SLC26A8: variants seen among roughly 807,000 people sequenced by gnomAD.
The protein encoded by SLC26A8 is testis anion transporter 1.
In SLC26A8, 70 loss-of-function variants were observed where a neutral mutation model predicts 105.0. That is an observed-to-expected ratio of 0.67 (90% CI 0.55 to 0.81). The LOEUF is 0.81. Among genes scored for constraint, SLC26A8 ranks in the 40% least tolerant of loss-of-function variants. The pLI is 0.00. For missense variants in SLC26A8, 998 were observed against 1,181.8 expected (o/e 0.84, Z 2.28); for synonymous variants, 415 against 438.3 (o/e 0.95, Z 0.66).
At chr6:35,945,575 A>G (rs951800076) in intron 19 of SLC26A8, among the ~76,000 whole-genome samples, 1 of 151,966 alleles carries the variant, frequency 6.6e-6, no homozygotes, top group Non-Finnish European at 1.5e-5. Flanking sequence ...CCCTTTGCCT[A>G]CCTTGTCCTC....
chr6:36,004,903 C>T (rs851045), intron 3 of SLC26A8, among the ~76,000 whole-genome samples: 64,591 of 149,428 alleles, frequency 0.43, 14,041 homozygotes, highest in South Asian at 0.56. Context: ...TGAGCTCAAG[C>T]GATCTGCCTG....
At chr6:35,955,093 T>G (rs754861188) in intron 17 of SLC26A8, 59 bp downstream of exon 17, 25 of 1,603,488 alleles carry the variant, frequency 1.6e-5, no homozygotes, top group Non-Finnish European at 2.0e-5. Context: ...AGGATCAGGG[T>G]GGGGTTGGGA....
intron 7 of SLC26A8, among the ~76,000 whole-genome samples, chr6:35,989,237 GT>G (rs1194922254): frequency 6.6e-6 from 1 of 152,146 alleles, no homozygotes; most frequent in Non-Finnish European, 1.5e-5. Context: ...TGATAAATTA[GT>G]TTTCTACCAC....
chr6:35,975,086 G>A (rs1037336340), intron 10 of SLC26A8, among the ~76,000 whole-genome samples: 1 of 151,892 alleles, frequency 6.6e-6, no homozygotes. Context: ...TTATCCTTTA[G>A]GTATGTTACA....
At position 35,951,470 on chromosome 6, in the gene SLC26A8, A is replaced by C; in HGVS notation, c.2262T>G (p.Ile754Met). The change falls in exon 18 of 20, where the codon ATT becomes ATG. Residue 754 changes from isoleucine (I) to methionine (M), a missense_variant. Ile to Met is a conservative substitution (Grantham distance 10). Transcript: ENST00000490799. ...QICNAFQNAN[I>M]LILIAGCHSS... ...AGTGACACCCTGCAATGAGTATCAA[A>C]ATGTTGGCGTTTTGAAAGGCATTGC... 6.2e-7 allele frequency: 1 copy of C among 1,614,170 alleles called. No individual in the cohort carries two copies. Among genetic ancestry groups the C allele is most frequent in the South Asian group, 1.1e-5 (1 of 91,080 alleles).
intron 3 of SLC26A8, among the ~76,000 whole-genome samples, chr6:36,003,667 C>CT (rs5875527): frequency 0.43 from 61,903 of 144,054 alleles, 13,382 homozygotes; most frequent in South Asian, 0.56. Context: ...TTCTTTTTTT[C>CT]TTTTTTTTTT....
Position 35,982,213 on chromosome 6 carries a change from G to A in SLC26A8, c.943-10C>T. ...CAGTGAAGCCAATAATCTGTAGGGG[G>A]TAAAAAAAGAAGGGATGGGGGCATA... On this transcript the variant is annotated splice_polypyrimidine_tract_variant and intron_variant, in intron 7 of 19. Transcript: ENST00000490799. 3 of 1,612,822 alleles carry A rather than the reference G, an allele frequency of 1.9e-6. No homozygotes were observed. Among genetic ancestry groups the A allele is most frequent in the Non-Finnish European group, 2.5e-6 (3 of 1,179,418 alleles).
intron 3 of SLC26A8, among the ~76,000 whole-genome samples, chr6:36,005,703 T>C (rs983643028): frequency 6.6e-6 from 1 of 152,216 alleles, no homozygotes; most frequent in African/African-American, 2.4e-5. Flanking sequence ...GGTTTTCTAT[T>C]GTAAAGTGGT....
chr6:36,010,172 C>T (rs1761812641), intron 3 of SLC26A8, among the ~76,000 whole-genome samples: 1 of 152,004 alleles, frequency 6.6e-6, no homozygotes, highest in Non-Finnish European at 1.5e-5. Flanking sequence ...TGTGAGAGAC[C>T]AAAACTGGAA....
intron 17 of SLC26A8, 166 bp downstream of exon 17, chr6:35,954,981 TTTTTA>T (rs1771999786): frequency 1.5e-5 from 11 of 755,656 alleles, no homozygotes; most frequent in Non-Finnish European, 2.4e-5. Context: ...GTTCATTCTC[TTTTTA>T]TTTTGATTGA....
chr6:36,022,149 T>A (rs753314147), intron 1 of SLC26A8, among the ~76,000 whole-genome samples: 4 of 152,004 alleles, frequency 2.6e-5, no homozygotes, highest in Admixed American at 6.6e-5. Context: ...GTATTTTTGG[T>A]GGAGACAGGG....
intron 3 of SLC26A8, among the ~76,000 whole-genome samples, chr6:36,002,607 G>C (rs898225017): frequency 6.6e-6 from 1 of 151,676 alleles, no homozygotes; most frequent in Non-Finnish European, 1.5e-5. Flanking sequence ...GAGCACCCTT[G>C]TCTAGTTATT....
chr6:35,970,359 C>T (rs1247975619), intron 10 of SLC26A8, among the ~76,000 whole-genome samples: 1 of 152,196 alleles, frequency 6.6e-6, no homozygotes, highest in African/African-American at 2.4e-5. Context: ...TTCCCCATCC[C>T]AGCTGACTCA....
At chr6:35,972,807 T>G (rs1581648255) in intron 10 of SLC26A8, among the ~76,000 whole-genome samples, 1 of 152,172 alleles carries the variant, frequency 6.6e-6, no homozygotes, top group African/African-American at 2.4e-5. Context: ...TGCTCAGGGG[T>G]TGGAAATTCA....
intron 9 of SLC26A8, among the ~76,000 whole-genome samples, chr6:35,976,666 G>C (rs1421322011): frequency 6.8e-6 from 1 of 146,990 alleles, no homozygotes; most frequent in African/African-American, 2.5e-5. Context: ...TCTGCCTCCC[G>C]AGTAGCTGGG....
chr6:36,008,392 C>G (rs758815925), intron 3 of SLC26A8, among the ~76,000 whole-genome samples: 2 of 152,098 alleles, frequency 1.3e-5, no homozygotes, highest in Non-Finnish European at 2.9e-5. Context: ...CTTGAACAGA[C>G]CCTTCAAAGA....
At chr6:35,961,945 A>C (rs1772319844) in intron 12 of SLC26A8, among the ~76,000 whole-genome samples, 2 of 152,216 alleles carry the variant, frequency 1.3e-5, no homozygotes, top group Admixed American at 6.5e-5. Context: ...AAGTCATTCA[A>C]GGCTGGGTGC....
rs764646099 is a variant in SLC26A8, at chr6:35,975,411, C to T, written c.1251G>A (p.Arg417=). 1.9e-6 allele frequency: 3 copies of T among 1,612,914 alleles called. No homozygotes were observed. The South Asian group carries it at 3.3e-5, about 18-fold the overall frequency. Residue 417 remains arginine, a synonymous_variant, in exon 10 of 20, where the codon AGG becomes AGA. Transcript: ENST00000490799. ...CTCCAGATTTATCCTGGATAATAGT[C>T]CTAGCAATAGCACCAGTAAACACAC... ...RSCVFTGAIA[R]TIIQDKSGGR...
chr6:36,014,152 G>T (rs1761936100), intron 2 of SLC26A8, among the ~76,000 whole-genome samples: 1 of 152,232 alleles, frequency 6.6e-6, no homozygotes, highest in Non-Finnish European at 1.5e-5. Context: ...ATGAGCCTCT[G>T]TGGAGAAGAG....
Sources: gnomAD v4.1 joint callset for allele counts (sites outside exome capture counted in the v4.1 genomes callset) on GRCh38, gnomAD v4.1.1 for gene constraint, MANE v1.5 for transcripts, NCBI Gene and HGNC (gene_info 2026-07-23, HGNC 2026-07-21) for gene names.